Variants in MDM2 observed in about 807,000 individuals in gnomAD.
The protein encoded by MDM2 is E3 ubiquitin-protein ligase Mdm2.
Under a neutral mutation model 64.3 loss-of-function variants are expected in MDM2, and 11 were observed. The ratio of observed to expected loss-of-function variants is 0.17; its 90% CI spans 0.11 to 0.28. The LOEUF is 0.28. Ranked by LOEUF, MDM2 falls within the 10% of genes least tolerant of loss-of-function variation. The pLI, the probability that MDM2 is intolerant of heterozygous loss-of-function variation, is 1.00. For synonymous variants in MDM2, 194 were observed against 192.9 expected, an observed-to-expected ratio of 1.01 and a Z score of -0.05; for missense variants, 388 against 577.1, an observed-to-expected ratio of 0.67 and a Z score of 3.36.
In MDM2 at chr12:68,816,916, C is replaced by T. The variant is rs764994410; in HGVS notation, c.279C>T (p.Gly93=). ...ATGATCTTCTAGGAGATTTGTTTGG[C>T]GTGCCAAGCTTCTCTGTGAAAGAGC... The part of the protein sequence containing the change: ...CSNDLLGDLF[G]VPSFSVKEHR... The change falls in exon 4 of 11, where the codon GGC becomes GGT. Residue 93 remains glycine, a synonymous_variant. Transcript: ENST00000258149. The T allele has an allele frequency of 6.8e-6, 11 of 1,612,528 alleles. No homozygotes were observed. Among genetic ancestry groups the T allele is most frequent in the East Asian group, 2.2e-5 (1 of 44,792 alleles).
chr12:68,821,373 G>A (rs143357298), intron 5 of MDM2, among the ~76,000 whole-genome samples: 1 of 152,014 alleles, frequency 6.6e-6, no homozygotes, highest in Non-Finnish European at 1.5e-5. Flanking sequence ...GTGCTGCTTA[G>A]AGCTGTCTCT....
At position 68,841,495 on chromosome 12, in the gene MDM2, G is replaced by A. The variant is rs914235823; in HGVS notation, c.*1646G>A. 39 of 208,836 alleles carry A rather than the reference G, an allele frequency of 1.9e-4. No individual in the cohort carries two copies. Among genetic ancestry groups the A allele is most frequent in the Admixed American group, 2.4e-4 (4 of 16,966 alleles). The allele number at this position is 208,836 out of a possible 1,614,324, so 12.9% of individuals were successfully genotyped here. A position where few individuals can be genotyped will look rare whatever the true frequency, so the allele number is the denominator to read the frequency against. On this transcript the variant is annotated 3_prime_UTR_variant, in exon 11 of 11. Coordinates refer to ENST00000258149, the MANE Select transcript of MDM2 (RefSeq NM_002392.6). ...CTGTGAAAATAGCCACCATTTACCC[G>A]TAAGACAAAACTTGTTAAAGCCTCC...
At chr12:68,846,642 G>T (rs893415279), downstream of MDM2, 1 of 152,086 alleles carries the variant, frequency 6.6e-6, no homozygotes, top group African/African-American at 2.4e-5. Flanking sequence ...TTAAATATTG[G>T]GGGAAAAACT....
chr12:68,833,149 A>AATATATATATATATAT (rs57734852), intron 8 of MDM2, among the ~76,000 whole-genome samples: 42 of 65,952 alleles, frequency 6.4e-4, no homozygotes, highest in African/African-American at 2.6e-3. Flanking sequence ...AAAAAAAAAA[A>AATATATATATATATAT]ATATATATAT....
At chr12:68,829,474 A>G (rs1882616213) in intron 8 of MDM2, among the ~76,000 whole-genome samples, 1 of 152,208 alleles carries the variant, frequency 6.6e-6, no homozygotes, top group African/African-American at 2.4e-5. Flanking sequence ...TGTAAAATAC[A>G]GGTTTATACT....
At chr12:68,824,905 A>G in intron 7 of MDM2, 2 of 421,548 alleles carry the variant, frequency 4.7e-6, no homozygotes, top group Non-Finnish European at 8.5e-6. Context: ...CTGTTAAGAT[A>G]GTAGGAGGTG....
downstream of MDM2, chr12:68,847,792 C>T (rs1403262194): frequency 6.6e-6 from 1 of 151,952 alleles, no homozygotes; most frequent in East Asian, 1.9e-4. Context: ...ATTGTGTATA[C>T]AGTAGTAAAG....
intron 7 of MDM2, 121 bp downstream of exon 7, chr12:68,824,772 CTG>C: frequency 1.5e-6 from 1 of 655,796 alleles, no homozygotes; most frequent in East Asian, 2.9e-5. Flanking sequence ...GAATTAACCT[CTG>C]AGTTTTTTTC....
At position 68,843,828 on chromosome 12, in the gene MDM2, T is replaced by G. The variant is rs1478661417; in HGVS notation, c.*3979T>G. 4.6e-6 allele frequency: 1 copy of G among 219,222 alleles called. No homozygotes were observed. The highest frequency in any genetic ancestry group is 9.1e-6 in the Non-Finnish European group (1 of 109,392). 13.6% of individuals were successfully genotyped at this position (219,222 alleles called of 1,614,324 possible). A position where few individuals can be genotyped will look rare whatever the true frequency, so the allele number is the denominator to read the frequency against. On this transcript the variant is annotated 3_prime_UTR_variant, in exon 11 of 11. Coordinates refer to ENST00000258149, the MANE Select transcript of MDM2 (RefSeq NM_002392.6). ...ACAACCAAGCAGAATCTCTTTTTTT[T>G]GGAGGTCCTCGAAGCATTATTTGGA...
At position 68,839,551 on chromosome 12, in the gene MDM2, A is replaced by G. The variant is rs1261148726; in HGVS notation, c.1196A>G (p.Asp399Gly). 6.2e-7 allele frequency: 1 copy of G among 1,614,044 alleles called. No homozygotes were observed. The highest frequency in any genetic ancestry group is 2.2e-5 in the East Asian group (1 of 44,872). Residue 399 changes from aspartate (D) to glycine (G), a missense_variant, in exon 11 of 11, where the codon GAC becomes GGC. Asp to Gly is a moderately conservative substitution (Grantham distance 94). Around this residue, in one of 5 missense-constraint regions of MDM2, gnomAD observed 138 missense variants for 143.7 expected, o/e 0.96. Transcript: ENST00000258149. ...TQASQSQESE[D>G]YSQPSTSSSI... ...GCTTCACAATCACAAGAAAGTGAAGACTATTCTCAGCCATCAACTTCTAGT... is the reference window on the plus strand; with the variant it reads ...GCTTCACAATCACAAGAAAGTGAAGGCTATTCTCAGCCATCAACTTCTAGT...
At chr12:68,831,267 G>T (rs960539137) in intron 8 of MDM2, among the ~76,000 whole-genome samples, 1 of 152,136 alleles carries the variant, frequency 6.6e-6, no homozygotes, top group Admixed American at 6.5e-5. Flanking sequence ...ACAGAGGGAG[G>T]GGGGCTCTAA....
At chr12:68,835,777 C>G in intron 8 of MDM2, 52 bp from the exon 9 acceptor site, 1 of 1,534,472 alleles carries the variant, frequency 6.5e-7, no homozygotes, top group Non-Finnish European at 8.9e-7. Context: ...GAAACAGATA[C>G]AGAGGTCAAG....
intron 1 of MDM2, 75 bp downstream of exon 1, chr12:68,808,566 C>T: frequency 6.2e-7 from 1 of 1,600,958 alleles, no homozygotes; most frequent in Non-Finnish European, 8.5e-7. Flanking sequence ...GGTTCCCAGC[C>T]TCTGCCCGTT....
intron 2 of MDM2, among the ~76,000 whole-genome samples, chr12:68,811,375 T>C (rs1880874491): frequency 6.6e-6 from 1 of 152,184 alleles, no homozygotes; most frequent in African/African-American, 2.4e-5. Context: ...TTGTTGGCTT[T>C]TGAATTTCAT....
chr12:68,824,314 C>T (rs372313165), intron 5 of MDM2, 49 bp from the exon 6 acceptor site: 15 of 1,402,236 alleles, frequency 1.1e-5, no homozygotes, highest in African/African-American at 1.4e-5. Flanking sequence ...TAGCGCCCCG[C>T]CGCCCCCCGC....
At chr12:68,810,308 C>T (rs1285284183) in intron 2 of MDM2, among the ~76,000 whole-genome samples, 1 of 120,942 alleles carries the variant, frequency 8.3e-6, no homozygotes, top group African/African-American at 2.7e-5. Context: ...GAAACTCCGT[C>T]TAAAAAAAAA....
At chr12:68,835,784 CA>C (rs1229078106) in intron 8 of MDM2, 44 bp from the exon 9 acceptor site, 3 of 1,571,336 alleles carry the variant, frequency 1.9e-6, no homozygotes, top group Non-Finnish European at 2.6e-6. Context: ...ATACAGAGGT[CA>C]AGAGGTGATG....
chr12:68,839,349 C>T lies in MDM2; in HGVS notation c.994C>T (p.Arg332Cys), dbSNP rs773519801. The change falls in exon 11 of 11, where the codon CGT (arginine) becomes TGT (cysteine). Residue 332 changes from arginine to cysteine, a missense_variant. Transcript: ENST00000258149. Reference protein sequence around the residue: ...PSHCNRCWALRENWLPEDKGK... With the variant: ...PSHCNRCWALCENWLPEDKGK... The stretch of plus-strand genomic sequence containing the variant: ...ACATTGCAACAGATGTTGGGCCCTT[C>T]GTGAGAATTGGCTTCCTGAAGATAA... The T allele has an allele frequency of 4.3e-6, 7 of 1,613,810 alleles. No homozygotes were observed. The highest frequency in any genetic ancestry group is 2.2e-5 in the South Asian group (2 of 91,056).
intron 5 of MDM2, chr12:68,824,110 GTC>G: frequency 2.3e-6 from 1 of 431,376 alleles, no homozygotes; most frequent in Non-Finnish European, 4.1e-6. Context: ...TGACTCTCCT[GTC>G]TCTCTGCTAA....
Sources: gnomAD v4.1 joint callset for allele counts (sites outside exome capture counted in the v4.1 genomes callset) on GRCh38, gnomAD v4.1.1 for gene constraint, gnomAD v4.1.1 regional missense constraint, MANE v1.5 for transcripts, NCBI Gene and HGNC (gene_info 2026-07-23, HGNC 2026-07-21) for gene names.